SRGAP3: variants seen among roughly 807,000 people sequenced by gnomAD.
SRGAP3 encodes the protein SLIT-ROBO Rho GTPase activating protein 3, also known as SLIT-ROBO Rho GTPase-activating protein 3.
A neutral mutation model predicts 121.1 loss-of-function variants in SRGAP3; 39 were observed. The ratio of observed to expected loss-of-function variants is 0.32; its 90% CI spans 0.25 to 0.42. SRGAP3 has a LOEUF of 0.42. Among genes scored for constraint, SRGAP3 ranks in the 10% least tolerant of loss-of-function variants. The pLI is 1.00. For missense variants in SRGAP3, 1,213 were observed against 1,470.6 expected (o/e 0.82, Z 2.86); for synonymous variants, 601 against 570.0 (o/e 1.05, Z -0.77).
chr3:9,303,094 CATTT>C (rs913459742), intron 3 of SRGAP3, among the ~76,000 whole-genome samples: 2 of 133,470 alleles, frequency 1.5e-5, no homozygotes, highest in African/African-American at 6.9e-5. Context: ...TTTTCCTTTA[CATTT>C]GTTTGTTTGT....
At chr3:9,014,088 A>G in intron 15 of SRGAP3, 1 of 550,254 alleles carries the variant, frequency 1.8e-6, no homozygotes, top group Non-Finnish European at 3.3e-6. Flanking sequence ...CTTGGTTGTG[A>G]GAAACCCACA....
chr3:9,316,035 T>C (rs1000247022), intron 3 of SRGAP3, among the ~76,000 whole-genome samples: 2 of 152,188 alleles, frequency 1.3e-5, no homozygotes, highest in Non-Finnish European at 2.9e-5. Context: ...TTTTGTTGAA[T>C]ATTTTAATAT....
intron 1 of SRGAP3, among the ~76,000 whole-genome samples, chr3:9,242,472 C>T (rs965136489): frequency 1.3e-5 from 2 of 151,864 alleles, no homozygotes; most frequent in South Asian, 2.1e-4. Context: ...CCATCTCTAC[C>T]GAAAATACAA....
intron 3 of SRGAP3, among the ~76,000 whole-genome samples, chr3:9,255,022 G>A (rs946456812): frequency 1.3e-4 from 20 of 150,512 alleles, no homozygotes; most frequent in Non-Finnish European, 2.1e-4. Context: ...GAAAAAGAAA[G>A]AGAAAGAAAG....
intron 3 of SRGAP3, among the ~76,000 whole-genome samples, chr3:9,320,575 T>A (rs1253982637): frequency 1.3e-5 from 2 of 151,942 alleles, no homozygotes; most frequent in Non-Finnish European, 2.9e-5. Flanking sequence ...TCCTGAGGTC[T>A]CCTCAGCAGC....
At position 9,203,708 on chromosome 3, in the gene SRGAP3, A is replaced by G. The variant is rs144907174; in HGVS notation, c.67+45177T>C. Among the ~76,000 whole-genome samples the G allele has an allele frequency of 1.4e-4, 21 of 152,318 alleles. No homozygotes were observed. The East Asian group carries it at 2.5e-3, about 18-fold the overall frequency. ...TTCAATATTGTATGCCCCTGTGCCCACCTCAGAGCCTGGAACATGGTAAAG... is the reference window on the plus strand; with the variant it reads ...TTCAATATTGTATGCCCCTGTGCCCGCCTCAGAGCCTGGAACATGGTAAAG... On this transcript the variant is annotated intron_variant, in intron 1 of 21. Transcript: ENST00000383836.
At chr3:9,012,905 C>T (rs1943444826) in intron 17 of SRGAP3, among the ~76,000 whole-genome samples, 1 of 151,872 alleles carries the variant, frequency 6.6e-6, no homozygotes, top group Admixed American at 6.6e-5. Context: ...TTGCTGGTTG[C>T]CTGCTTGCGA....
intron 3 of SRGAP3, among the ~76,000 whole-genome samples, chr3:9,319,222 A>C (rs1443197590): frequency 1.3e-5 from 2 of 151,932 alleles, no homozygotes; most frequent in Admixed American, 1.3e-4. Flanking sequence ...GCCTAAAGTC[A>C]CATAATGCCA....
intron 1 of SRGAP3, among the ~76,000 whole-genome samples, chr3:9,171,345 C>T (rs1950969365): frequency 6.6e-6 from 1 of 152,198 alleles, no homozygotes; most frequent in Non-Finnish European, 1.5e-5. Context: ...CATTTAAATC[C>T]CCACTCTGCC....
At chr3:9,317,142 A>C (rs1378141807) in intron 3 of SRGAP3, among the ~76,000 whole-genome samples, 1 of 152,184 alleles carries the variant, frequency 6.6e-6, no homozygotes, top group Non-Finnish European at 1.5e-5. Context: ...GAGCCTGGGG[A>C]GCACTCATTA....
chr3:9,240,773 G>A (rs1953602964), intron 1 of SRGAP3, among the ~76,000 whole-genome samples: 1 of 152,208 alleles, frequency 6.6e-6, no homozygotes, highest in South Asian at 2.1e-4. Flanking sequence ...CCAGGTTGGT[G>A]GTGGACTGGG....
At chr3:9,324,518 C>G (rs1384764814) in intron 3 of SRGAP3, among the ~76,000 whole-genome samples, 1 of 151,852 alleles carries the variant, frequency 6.6e-6, no homozygotes, top group African/African-American at 2.4e-5. Context: ...CTGATCTGTT[C>G]TAGGATCTAT....
chr3:9,154,126 C>T (rs562136603), intron 1 of SRGAP3, among the ~76,000 whole-genome samples: 40 of 152,240 alleles, frequency 2.6e-4, no homozygotes, highest in African/African-American at 9.1e-4. Context: ...ACTGCAGCCC[C>T]GCTTTCCAGA....
Position 9,119,796 on chromosome 3 carries a change from G to C in SRGAP3, c.260+4929C>G, listed in dbSNP as rs561050014. ...GAGGCCCTGACACTACATGGAGAGG[G>C]AGACAGCCCAGCAGGGCCCGGCCTA... On this transcript the variant is annotated intron_variant, in intron 2 of 21. Coordinates refer to ENST00000383836, the MANE Select transcript of SRGAP3 (RefSeq NM_014850.4). Among the ~76,000 whole-genome samples the C allele has an allele frequency of 5.3e-5, 8 of 152,352 alleles. 1 individual carries two copies. The East Asian group carries it at 1.5e-3, about 29-fold the overall frequency.
intron 3 of SRGAP3, among the ~76,000 whole-genome samples, chr3:9,314,081 T>C (rs1955301949): frequency 6.6e-6 from 1 of 152,248 alleles, no homozygotes; most frequent in Non-Finnish European, 1.5e-5. Context: ...AGAACTTTTG[T>C]CTGTCTTGTT....
intron 21 of SRGAP3, among the ~76,000 whole-genome samples, chr3:8,990,013 T>G (rs1200835814): frequency 6.6e-6 from 1 of 152,174 alleles, no homozygotes; most frequent in African/African-American, 2.4e-5. Flanking sequence ...GTGTGTGTGT[T>G]TGTTGATGTC....
At chr3:9,062,738 A>C (rs1398231473) in intron 5 of SRGAP3, among the ~76,000 whole-genome samples, 2 of 152,260 alleles carry the variant, frequency 1.3e-5, no homozygotes, top group Non-Finnish European at 2.9e-5. Flanking sequence ...ATATTCCATC[A>C]CATGGATATA....
chr3:8,995,699 T>A lies in SRGAP3; in HGVS notation c.2228-1176A>T, dbSNP rs543916741. 3.3e-5 allele frequency among the ~76,000 whole-genome samples: 5 copies of A among 152,278 alleles called. No homozygotes were observed. The East Asian group carries it at 9.6e-4, about 29-fold the overall frequency. Reference sequence around the variant, plus strand: ...TAGTGATATTTGGGGAAGAGACGTTTTGGGGAGCAGGGGATTGTGCCTACA... The same window carrying A: ...TAGTGATATTTGGGGAAGAGACGTTATGGGGAGCAGGGGATTGTGCCTACA... On this transcript the variant is annotated intron_variant, in intron 18 of 21. Transcript: ENST00000383836.
intron 1 of SRGAP3, 137 bp downstream of exon 1, chr3:9,248,748 C>T (rs1953914130): frequency 1.1e-6 from 1 of 903,192 alleles, no homozygotes; most frequent in Non-Finnish European, 1.8e-6. Flanking sequence ...GCCACTGTTA[C>T]TCCTCACAAA....
Sources: gnomAD v4.1 joint callset for allele counts (sites outside exome capture counted in the v4.1 genomes callset) on GRCh38, gnomAD v4.1.1 for gene constraint, MANE v1.5 for transcripts, NCBI Gene and HGNC (gene_info 2026-07-23, HGNC 2026-07-21) for gene names.